Variants in RAB11FIP4 observed in about 807,000 individuals in gnomAD.
The protein encoded by RAB11FIP4 is RAB11 family interacting protein 4.
Under a neutral mutation model 74.3 loss-of-function variants are expected in RAB11FIP4, and 23 were observed. That is an observed-to-expected ratio of 0.31 (90% CI 0.22 to 0.44). The LOEUF (loss-of-function observed/expected upper bound fraction) is 0.44. Among genes scored for constraint, RAB11FIP4 ranks in the 20% least tolerant of loss-of-function variants. The pLI, the probability that RAB11FIP4 is intolerant of heterozygous loss-of-function variation, is 1.00. For missense variants in RAB11FIP4, 630 were observed against 863.9 expected (o/e 0.73, Z 3.39); for synonymous variants, 360 against 359.9 (o/e 1.00, Z 0.00).
In RAB11FIP4 at chr17:31,531,778, G is replaced by A; in HGVS notation, c.*46G>A. 7.7e-7 allele frequency: 1 copy of A among 1,297,628 alleles called. No individual in the cohort carries two copies. Among genetic ancestry groups the A allele is most frequent in the South Asian group, 1.2e-5 (1 of 83,816 alleles). 80.4% of individuals were successfully genotyped at this position (1,297,628 alleles called of 1,614,324 possible). On this transcript the variant is annotated 3_prime_UTR_variant, in exon 15 of 15. Coordinates refer to ENST00000621161, the MANE Select transcript of RAB11FIP4 (RefSeq NM_032932.6). ...GCAGCCTTAGGACCCTGGGACCAAG[G>A]GCAGACCCTGCCCAAGGATGCAGGC...
In RAB11FIP4 at chr17:31,517,861, T is replaced by A; in HGVS notation, c.547T>A (p.Phe183Ile). ...GAAGGACGGGGGACTTGGGGGCCTGTTTCTGCCAGAAGACAAGTGAGTTAA... is the reference window on the plus strand; with the variant it reads ...GAAGGACGGGGGACTTGGGGGCCTGATTCTGCCAGAAGACAAGTGAGTTAA... Reference protein sequence around the residue: ...AEKDGGLGGLFLPEDKSLVHT... With the variant: ...AEKDGGLGGLILPEDKSLVHT... The change falls in exon 4 of 15, where the codon TTT becomes ATT. Residue 183 changes from phenylalanine to isoleucine, a missense_variant. Transcript: ENST00000621161. The A allele has an allele frequency of 6.4e-7, 1 of 1,551,528 alleles. No individual in the cohort carries two copies. The highest frequency in any genetic ancestry group is 8.7e-7 in the Non-Finnish European group (1 of 1,146,946).
chr17:31,479,842 T>C (rs547712285), intron 3 of RAB11FIP4, among the ~76,000 whole-genome samples: 3 of 152,322 alleles, frequency 2.0e-5, no homozygotes, highest in East Asian at 1.9e-4. Context: ...TTTGTGACTA[T>C]AGGTAAGTCA....
At chr17:31,521,810 G>A (rs901350421) in intron 5 of RAB11FIP4, 105 bp from the exon 6 acceptor site, 27 of 1,320,966 alleles carry the variant, frequency 2.0e-5, no homozygotes, top group Admixed American at 6.1e-5. Flanking sequence ...CCCGTAACAA[G>A]GTTCAAAGGT....
intron 1 of RAB11FIP4, among the ~76,000 whole-genome samples, chr17:31,414,709 C>G (rs1202140663): frequency 6.6e-6 from 1 of 152,214 alleles, no homozygotes; most frequent in African/African-American, 2.4e-5. Flanking sequence ...GGATGTCTAG[C>G]CACCCTGGCC....
At chr17:31,405,736 T>C (rs2071036225) in intron 1 of RAB11FIP4, among the ~76,000 whole-genome samples, 1 of 152,252 alleles carries the variant, frequency 6.6e-6, no homozygotes, top group Non-Finnish European at 1.5e-5. Flanking sequence ...TAGTTTTTCT[T>C]AGTTTTCTTT....
chr17:31,411,971 T>C (rs1229092343), intron 1 of RAB11FIP4, among the ~76,000 whole-genome samples: 1 of 152,230 alleles, frequency 6.6e-6, no homozygotes, highest in Non-Finnish European at 1.5e-5. Context: ...GCAGCCAGGC[T>C]GGGTAGGACC....
chr17:31,504,946 A>G (rs897911453), intron 3 of RAB11FIP4, among the ~76,000 whole-genome samples: 1 of 152,212 alleles, frequency 6.6e-6, no homozygotes, highest in Non-Finnish European at 1.5e-5. Context: ...CTCAACCTTT[A>G]GAAATGCATC....
intron 3 of RAB11FIP4, among the ~76,000 whole-genome samples, chr17:31,451,833 C>G (rs1380045774): frequency 6.6e-6 from 1 of 151,918 alleles, no homozygotes; most frequent in Admixed American, 6.6e-5. Context: ...CCCCACCCTG[C>G]CCCCATCACT....
At chr17:31,450,929 G>A (rs1325106487) in intron 3 of RAB11FIP4, among the ~76,000 whole-genome samples, 1 of 151,868 alleles carries the variant, frequency 6.6e-6, no homozygotes, top group Non-Finnish European at 1.5e-5. Context: ...TCCCCTACCT[G>A]GTCACTCTGA....
chr17:31,443,729 G>T (rs1567657417), intron 3 of RAB11FIP4, among the ~76,000 whole-genome samples: 1 of 152,076 alleles, frequency 6.6e-6, no homozygotes, highest in Non-Finnish European at 1.5e-5. Flanking sequence ...GGCCAACATG[G>T]CGAAACCCCA....
intron 1 of RAB11FIP4, among the ~76,000 whole-genome samples, chr17:31,404,976 C>T (rs1183448030): frequency 6.6e-6 from 1 of 152,078 alleles, no homozygotes; most frequent in Non-Finnish European, 1.5e-5. Flanking sequence ...AGGGGCTGAC[C>T]AGGCAGGCTG....
At chr17:31,456,849 G>T (rs1483769551) in intron 3 of RAB11FIP4, among the ~76,000 whole-genome samples, 2 of 152,184 alleles carry the variant, frequency 1.3e-5, no homozygotes, top group Admixed American at 1.3e-4. Context: ...TTATTGCCTG[G>T]GGGTGGTGGG....
intron 3 of RAB11FIP4, among the ~76,000 whole-genome samples, chr17:31,492,105 A>G (rs1218988614): frequency 6.6e-6 from 1 of 152,126 alleles, no homozygotes; most frequent in Non-Finnish European, 1.5e-5. Context: ...CTCATAAAGC[A>G]GCCAGCAGCC....
chr17:31,450,473 T>C (rs1597923979), intron 3 of RAB11FIP4, among the ~76,000 whole-genome samples: 1 of 151,856 alleles, frequency 6.6e-6, no homozygotes, highest in African/African-American at 2.4e-5. Context: ...GCCTCCCAAG[T>C]AGCTGGGATT....
At chr17:31,443,225 C>T (rs952608502) in intron 3 of RAB11FIP4, among the ~76,000 whole-genome samples, 14 of 152,144 alleles carry the variant, frequency 9.2e-5, no homozygotes, top group Admixed American at 9.2e-4. Flanking sequence ...CATTCTCCAC[C>T]CTGGCTATGT....
intron 1 of RAB11FIP4, among the ~76,000 whole-genome samples, chr17:31,422,488 A>G (rs962882483): frequency 6.6e-6 from 1 of 151,954 alleles, no homozygotes; most frequent in Non-Finnish European, 1.5e-5. Context: ...TCTCCTTTCA[A>G]TTTTATTAGT....
chr17:31,445,554 ATATATATATATATATATATATATATTT>A (rs1290545999), intron 3 of RAB11FIP4, among the ~76,000 whole-genome samples: 619 of 37,402 alleles, frequency 0.017, 41 homozygotes, highest in Non-Finnish European at 0.025. Flanking sequence ...ATATATATAT[ATATATATATATATATATATATATATTT>A]TTTTTTTTTT....
chr17:31,492,097 C>T (rs1319690736), intron 3 of RAB11FIP4, among the ~76,000 whole-genome samples: 1 of 152,128 alleles, frequency 6.6e-6, no homozygotes, highest in East Asian at 1.9e-4. Context: ...TCTCAAGGCT[C>T]ATAAAGCAGC....
chr17:31,415,531 T>C (rs964348505), intron 1 of RAB11FIP4, among the ~76,000 whole-genome samples: 1 of 152,120 alleles, frequency 6.6e-6, no homozygotes, highest in Non-Finnish European at 1.5e-5. Context: ...TTTTCTTCTC[T>C]TCCTCCCCCC....
Sources: allele counts gnomAD v4.1 joint callset (sites outside exome capture counted in the v4.1 genomes callset), GRCh38; gene constraint gnomAD v4.1.1; transcripts MANE v1.5; gene names NCBI Gene and HGNC (gene_info 2026-07-23, HGNC 2026-07-21).